CEP112: variants seen among roughly 807,000 people sequenced by gnomAD.
CEP112 encodes the protein centrosomal protein 112.
CEP112 carries 127 observed loss-of-function variants against 153.0 expected under a neutral mutation model. The observed-to-expected ratio is 0.83, with a 90% CI of 0.72 to 0.96. CEP112 has a LOEUF of 0.96. CEP112 is among the 40% of genes least tolerant of loss of function. The pLI, the probability that CEP112 is intolerant of heterozygous loss-of-function variation, is 0.00. For synonymous variants in CEP112, 358 were observed against 374.4 expected, an observed-to-expected ratio of 0.96 and a Z score of 0.51; for missense variants, 1,089 against 1,101.2, an observed-to-expected ratio of 0.99 and a Z score of 0.16.
At chr17:65,656,510 G>A (rs909919337) in intron 24 of CEP112, among the ~76,000 whole-genome samples, 5 of 152,200 alleles carry the variant, frequency 3.3e-5, no homozygotes, top group African/African-American at 9.7e-5. Flanking sequence ...ACTTCAGCCT[G>A]CAGACCAAAT....
At position 65,636,803 on chromosome 17, in the gene CEP112, C is replaced by T. The variant is rs868315893; in HGVS notation, c.2864+321G>A. 40 of 244,728 alleles carry T rather than the reference C, an allele frequency of 1.6e-4. 1 individual carries two copies. Among genetic ancestry groups the T allele is most frequent in the Admixed American group, 4.1e-4 (8 of 19,408 alleles). The allele number at this position is 244,728 out of a possible 1,614,324, so 15.2% of individuals were successfully genotyped here. A position where few individuals can be genotyped will look rare whatever the true frequency, so the allele number is the denominator to read the frequency against. ...ATTTTTGTATTTTTAGTAGAGACAA[C>T]GTTTTACCAAGTTGGCCAGGCTGGT... On this transcript the variant is annotated intron_variant, in intron 26 of 26. Coordinates refer to ENST00000535342, the MANE Select transcript of CEP112 (RefSeq NM_001199165.4).
intron 24 of CEP112, chr17:65,644,746 G>A (rs2045343999): frequency 6.5e-6 from 1 of 153,500 alleles, no homozygotes; most frequent in South Asian, 2.0e-4. Context: ...TCATAACTTT[G>A]TGAACACAAA....
chr17:66,030,152 T>C, intron 12 of CEP112, 129 bp from the exon 13 acceptor site: 2 of 704,956 alleles, frequency 2.8e-6, no homozygotes, highest in Non-Finnish European at 4.3e-6. Context: ...ACCATGGTAG[T>C]AGAAATTAAA....
At chr17:66,117,113 C>T (rs1007916319) in intron 6 of CEP112, among the ~76,000 whole-genome samples, 21 of 152,206 alleles carry the variant, frequency 1.4e-4, no homozygotes, top group African/African-American at 5.1e-4. Context: ...CCAGGATGGT[C>T]TGGATCTCTT....
chr17:65,980,498 G>T (rs2063189204), intron 17 of CEP112, among the ~76,000 whole-genome samples: 1 of 152,072 alleles, frequency 6.6e-6, no homozygotes, highest in African/African-American at 2.4e-5. Context: ...CTCATGCTTG[G>T]ACATTAATAT....
At chr17:66,134,350 C>T (rs2070340448) in intron 4 of CEP112, among the ~76,000 whole-genome samples, 1 of 152,142 alleles carries the variant, frequency 6.6e-6, no homozygotes, top group Non-Finnish European at 1.5e-5. Context: ...TTATTGGGTC[C>T]ATGCTCTAAC....
intron 10 of CEP112, among the ~76,000 whole-genome samples, chr17:66,065,539 C>T (rs1326254234): frequency 6.6e-6 from 1 of 152,134 alleles, no homozygotes; most frequent in Non-Finnish European, 1.5e-5. Context: ...TTACATCCAG[C>T]ATCTACAGGA....
intron 2 of CEP112, among the ~76,000 whole-genome samples, chr17:66,178,673 C>T (rs118071943): frequency 0.034 from 5,191 of 152,106 alleles, 131 homozygotes; most frequent in Middle Eastern, 0.061. Flanking sequence ...TTTCTTTTAG[C>T]AGTTTCCTTG....
intron 21 of CEP112, among the ~76,000 whole-genome samples, chr17:65,824,929 T>G (rs2056766778): frequency 6.6e-6 from 1 of 152,166 alleles, no homozygotes; most frequent in Non-Finnish European, 1.5e-5. Context: ...GGCAGTTCCC[T>G]GAAAAATTAA....
intron 24 of CEP112, among the ~76,000 whole-genome samples, chr17:65,671,694 T>C (rs1459352282): frequency 6.6e-6 from 1 of 152,174 alleles, no homozygotes; most frequent in Non-Finnish European, 1.5e-5. Flanking sequence ...TGTGTGTGTA[T>C]GTGTGTGTGT....
chr17:65,787,219 C>G (rs2054328599), intron 21 of CEP112, among the ~76,000 whole-genome samples: 1 of 152,170 alleles, frequency 6.6e-6, no homozygotes, highest in Admixed American at 6.5e-5. Context: ...GTGGCTCACA[C>G]CTGTAATCTC....
intron 8 of CEP112, among the ~76,000 whole-genome samples, chr17:66,077,349 T>C (rs907974012): frequency 1.3e-5 from 2 of 151,954 alleles, no homozygotes; most frequent in Non-Finnish European, 2.9e-5. Context: ...ATAGATAGCA[T>C]AAAGAAAAAA....
chr17:66,080,493 C>A (rs1269044822), intron 8 of CEP112, among the ~76,000 whole-genome samples: 1 of 152,124 alleles, frequency 6.6e-6, no homozygotes, highest in African/African-American at 2.4e-5. Context: ...GAATGGCCAT[C>A]ATTAAAAAGT....
chr17:65,668,333 CCCAGGGCCCT>C, intron 24 of CEP112, among the ~76,000 whole-genome samples: 1 of 152,140 alleles, frequency 6.6e-6, no homozygotes, highest in Non-Finnish European at 1.5e-5. Flanking sequence ...TTCACTAATC[CCCAGGGCCCT>C]CCAGGTATGT....
intron 17 of CEP112, among the ~76,000 whole-genome samples, chr17:65,971,234 T>G (rs1328517591): frequency 6.6e-6 from 1 of 152,158 alleles, no homozygotes; most frequent in Non-Finnish European, 1.5e-5. Context: ...ATTACATACG[T>G]GCAAAACATG....
intron 21 of CEP112, among the ~76,000 whole-genome samples, chr17:65,792,008 T>C (rs970441845): frequency 6.6e-5 from 10 of 152,232 alleles, no homozygotes; most frequent in Non-Finnish European, 4.4e-5. Context: ...AAAGTCATTT[T>C]GGGATTTGAT....
chr17:66,131,665 C>T (rs904656703), intron 5 of CEP112, among the ~76,000 whole-genome samples: 1 of 152,000 alleles, frequency 6.6e-6, no homozygotes, highest in Non-Finnish European at 1.5e-5. Context: ...GGCGTGAACC[C>T]GGGAGGCGGA....
intron 21 of CEP112, among the ~76,000 whole-genome samples, chr17:65,773,280 C>T (rs1231060023): frequency 1.3e-5 from 2 of 152,142 alleles, no homozygotes; most frequent in South Asian, 2.1e-4. Context: ...CCTTCATTTT[C>T]GTTTCCTTAT....
chr17:65,668,567 C>A (rs2046814615), intron 24 of CEP112, among the ~76,000 whole-genome samples: 1 of 152,144 alleles, frequency 6.6e-6, no homozygotes, highest in Admixed American at 6.5e-5. Flanking sequence ...AAACCACCTG[C>A]CTGTATGTGG....
Sources: allele counts gnomAD v4.1 joint callset (sites outside exome capture counted in the v4.1 genomes callset), GRCh38; gene constraint gnomAD v4.1.1; transcripts MANE v1.5; gene names NCBI Gene and HGNC (gene_info 2026-07-23, HGNC 2026-07-21).